RSF1: variants seen among roughly 807,000 people sequenced by gnomAD.
RSF1 encodes the protein HBV pX-associated protein 8.
RSF1 carries 13 observed loss-of-function variants against 145.2 expected under a neutral mutation model. That is an observed-to-expected ratio of 0.09 (90% CI 0.06 to 0.14). The LOEUF (loss-of-function observed/expected upper bound fraction) is 0.14. RSF1 is among the 10% of genes least tolerant of loss of function. RSF1 has a pLI of 1.00. For missense variants in RSF1, 1,517 were observed against 1,718.2 expected (o/e 0.88, Z 2.07); for synonymous variants, 577 against 592.6 (o/e 0.97, Z 0.38).
chr11:77,716,948 C>T (rs1035244782), intron 5 of RSF1, among the ~76,000 whole-genome samples: 3 of 151,952 alleles, frequency 2.0e-5, no homozygotes, highest in Non-Finnish European at 4.4e-5. Context: ...GAGGCCGAGA[C>T]GGGTGGATCA....
chr11:77,852,260 CAAAGAAAAAG>C, the RSF1 span, among the ~76,000 whole-genome samples: 1 of 116,920 alleles, frequency 8.6e-6, no homozygotes, highest in Non-Finnish European at 1.9e-5. Flanking sequence ...AGAAGAAGTT[CAAAGAAAAAG>C]AAAGAAAAAG....
intron 1 of RSF1, among the ~76,000 whole-genome samples, chr11:77,819,773 G>C (rs1161911614): frequency 1.3e-5 from 2 of 152,106 alleles, no homozygotes; most frequent in Non-Finnish European, 2.9e-5. Flanking sequence ...TTTTGGGGGA[G>C]GTGGGGAGAG....
rs768722114 is a variant in RSF1, at chr11:77,701,656, G to T, written c.1573C>A (p.Gln525Lys). The change falls in exon 6 of 16, where the codon CAA (glutamine) becomes AAA (lysine). Residue 525 changes from glutamine (Q) to lysine (K), a missense_variant. Gln to Lys is a moderately conservative substitution (Grantham distance 53). Around this residue, in one of 12 missense-constraint regions of RSF1, gnomAD observed 579 missense variants for 553.5 expected, o/e 1.05. Transcript: ENST00000308488. Reference protein sequence around the residue: ...SSISVLEIHSQKAQIEEPDPP... With the variant: ...SSISVLEIHSKKAQIEEPDPP... ...TCGGGTTCCTCTATTTGTGCTTTTT[G>T]ACTATGGATCTCTAAGACTGATATT... 3.7e-6 allele frequency: 6 copies of T among 1,613,860 alleles called. No homozygotes were observed. Among genetic ancestry groups the T allele is most frequent in the Middle Eastern group, 1.6e-4 (1 of 6,082 alleles).
chr11:77,789,960 T>G (rs189381351), intron 1 of RSF1, among the ~76,000 whole-genome samples: 5 of 152,156 alleles, frequency 3.3e-5, no homozygotes, highest in African/African-American at 1.2e-4. Flanking sequence ...GCCTTGGGAG[T>G]GGCTGGCCCA....
chr11:77,835,257 T>A, the RSF1 span, among the ~76,000 whole-genome samples: 1 of 152,192 alleles, frequency 6.6e-6, no homozygotes, highest in Non-Finnish European at 1.5e-5. Context: ...CCACTTTATC[T>A]CTTTATTCTG....
chr11:77,667,806 C>T (rs982171149), intron 15 of RSF1, among the ~76,000 whole-genome samples: 16 of 152,202 alleles, frequency 1.1e-4, no homozygotes, highest in South Asian at 2.1e-4. Context: ...TGGGTTCAAG[C>T]GATTCTCCTG....
intron 4 of RSF1, among the ~76,000 whole-genome samples, chr11:77,726,710 G>A (rs756513659): frequency 6.6e-6 from 1 of 152,110 alleles, no homozygotes; most frequent in Non-Finnish European, 1.5e-5. Context: ...TTCTCAATGT[G>A]CGATGTAAAT....
At chr11:77,756,735 G>A (rs1024781158) in intron 2 of RSF1, among the ~76,000 whole-genome samples, 3 of 152,192 alleles carry the variant, frequency 2.0e-5, no homozygotes, top group Non-Finnish European at 2.9e-5. Flanking sequence ...ACGGCAAAGT[G>A]GGTATGTGCT....
chr11:77,855,191 C>A, the RSF1 span, among the ~76,000 whole-genome samples: 2 of 152,232 alleles, frequency 1.3e-5, no homozygotes, highest in African/African-American at 2.4e-5. Context: ...ATGGGAGGAG[C>A]TACTGTGAAG....
chr11:77,832,406 A>G, the RSF1 span, among the ~76,000 whole-genome samples: 6 of 148,694 alleles, frequency 4.0e-5, no homozygotes, highest in Admixed American at 4.0e-4. Context: ...GGCTCGCTGC[A>G]ACCTCCGCCT....
the RSF1 span, among the ~76,000 whole-genome samples, chr11:77,825,979 A>G: frequency 1.3e-5 from 2 of 152,138 alleles, no homozygotes; most frequent in African/African-American, 4.8e-5. Flanking sequence ...AGCGTGAGCC[A>G]CCGTCTTACT....
chr11:77,852,088 C>G, the RSF1 span, among the ~76,000 whole-genome samples: 2 of 151,484 alleles, frequency 1.3e-5, no homozygotes, highest in African/African-American at 2.4e-5. Context: ...TAGTTGTGGG[C>G]AGCCATAGTG....
intron 4 of RSF1, among the ~76,000 whole-genome samples, chr11:77,727,892 C>A (rs554563309): frequency 2.0e-5 from 3 of 152,138 alleles, no homozygotes; most frequent in Non-Finnish European, 4.4e-5. Flanking sequence ...CTAAGGTAGT[C>A]GTTATTATAT....
Position 77,665,454 on chromosome 11 carries a change from T to C in RSF1, c.*1463A>G, listed in dbSNP as rs1257518205. Reference sequence around the variant, plus strand: ...AAGTGCTACACTCTGTACAATGTTATGGCTCTGCCTGAAATTTTACAGCTA... The same window carrying C: ...AAGTGCTACACTCTGTACAATGTTACGGCTCTGCCTGAAATTTTACAGCTA... On this transcript the variant is annotated 3_prime_UTR_variant, in exon 16 of 16. Coordinates refer to ENST00000308488, the MANE Select transcript of RSF1 (RefSeq NM_016578.4). The C allele has an allele frequency of 6.6e-6, 1 of 152,236 alleles. No homozygotes were observed. The highest frequency in any genetic ancestry group is 6.5e-5 in the Admixed American group (1 of 15,286). 9.4% of individuals were successfully genotyped at this position (152,236 alleles called of 1,614,324 possible).
At chr11:77,812,024 A>T (rs1427898797) in intron 1 of RSF1, among the ~76,000 whole-genome samples, 1 of 152,026 alleles carries the variant, frequency 6.6e-6, no homozygotes, top group Non-Finnish European at 1.5e-5. Context: ...AAATACAAAA[A>T]ATTTTTAGCT....
At chr11:77,757,652 T>C (rs1041388705) in intron 2 of RSF1, among the ~76,000 whole-genome samples, 2 of 151,498 alleles carry the variant, frequency 1.3e-5, no homozygotes, top group Admixed American at 1.3e-4. Context: ...CACTCCAACC[T>C]GGCGACAGAG....
the RSF1 span, among the ~76,000 whole-genome samples, chr11:77,863,295 C>A: frequency 6.6e-6 from 1 of 152,152 alleles, no homozygotes; most frequent in Non-Finnish European, 1.5e-5. Flanking sequence ...ACAGCAGACA[C>A]CCTGCCGGAT....
upstream of RSF1, chr11:77,821,044 G>T (rs990113381): frequency 4.6e-6 from 2 of 433,088 alleles, no homozygotes. Flanking sequence ...AGGCGGGCTG[G>T]AAGCGGGAGG....
At chr11:77,724,754 T>C (rs1170743822) in intron 5 of RSF1, among the ~76,000 whole-genome samples, 1 of 152,070 alleles carries the variant, frequency 6.6e-6, no homozygotes, top group African/African-American at 2.4e-5. Flanking sequence ...TGGTTCACAA[T>C]AGGGTTTGTG....
Sources: allele counts gnomAD v4.1 joint callset (sites outside exome capture counted in the v4.1 genomes callset), GRCh38; gene constraint gnomAD v4.1.1; regional missense constraint gnomAD v4.1.1; transcripts MANE v1.5; gene names NCBI Gene and HGNC (gene_info 2026-07-23, HGNC 2026-07-21).